The following ERCC1 variants were observed in gnomAD, a reference collection of about 807,000 sequenced individuals.
ERCC1 encodes DNA excision repair protein ERCC-1.
In ERCC1, 36 loss-of-function variants were observed where a neutral mutation model predicts 37.6. That is an observed-to-expected ratio of 0.96 (90% CI 0.73 to 1.26). The LOEUF is 1.26. Ranked by LOEUF, ERCC1 falls within the 50% of genes most tolerant of loss-of-function variation. ERCC1 has a pLI of 0.00. For missense variants in ERCC1, 349 were observed against 376.5 expected (o/e 0.93, Z 0.60); for synonymous variants, 156 against 162.1 (o/e 0.96, Z 0.28).
Position 45,421,308 on chromosome 19 carries a change from G to A in ERCC1, c.191C>T (p.Ala64Val), listed in dbSNP as rs142631483. 1.2e-4 allele frequency: 192 copies of A among 1,614,138 alleles called. No homozygotes were observed. In the African/African-American group the frequency reaches 2.4e-3, roughly 20 times the overall value. The part of the protein sequence containing the change: ...QAAPQTYAEY[A>V]ISQPLEGAGA... The stretch of plus-strand genomic sequence containing the variant: ...AGCCCCTTCCAGAGGCTGTGAGATG[G>A]CATATTCGGCGTAGGTCTGAGGGGC... The change falls in exon 3 of 10, where the codon GCC becomes GTC. Residue 64 changes from alanine (A) to valine (V), a missense_variant. Ala to Val is a moderately conservative substitution (Grantham distance 64). Coordinates refer to ENST00000300853, the MANE Select transcript of ERCC1 (RefSeq NM_001983.4).
At chr19:45,426,982 A>AT (rs1157812150), upstream of ERCC1, among the ~76,000 whole-genome samples, 11 of 148,600 alleles carry the variant, frequency 7.4e-5, no homozygotes, top group Non-Finnish European at 7.4e-5. Context: ...AAAAAAAAAA[A>AT]GCTATGTGTG....
intron 1 of ERCC1, among the ~76,000 whole-genome samples, chr19:45,430,976 G>T (rs1046956041): frequency 3.3e-5 from 5 of 151,958 alleles, no homozygotes; most frequent in Non-Finnish European, 5.9e-5. Context: ...TAGTTGGGGG[G>T]TGGGGTCTCA....
chr19:45,424,124 C>G, upstream of ERCC1: 1 of 959,470 alleles, frequency 1.0e-6, no homozygotes, highest in Non-Finnish European at 1.3e-6. Flanking sequence ...GAGAACAGAT[C>G]GCAGGAGATC....
At chr19:45,414,438 T>C (rs1279996052) in intron 7 of ERCC1, 4 of 351,570 alleles carry the variant, frequency 1.1e-5, no homozygotes, top group South Asian at 5.0e-5. Flanking sequence ...GATCATGTCA[T>C]TGCACTCCAG....
chr19:45,443,149 C>T (rs1975163943), intron 1 of ERCC1, among the ~76,000 whole-genome samples: 1 of 152,064 alleles, frequency 6.6e-6, no homozygotes, highest in African/African-American at 2.4e-5. Context: ...CTCCCAGCTG[C>T]CTGGATGTGA....
At chr19:45,432,973 G>T (rs1000158783) in intron 1 of ERCC1, among the ~76,000 whole-genome samples, 1 of 152,188 alleles carries the variant, frequency 6.6e-6, no homozygotes, top group African/African-American at 2.4e-5. Context: ...CCACCTACTC[G>T]GGAGGCTGAG....
rs1973959346 is a variant in ERCC1, at chr19:45,414,904, G to A, written c.659C>T (p.Ala220Val). ...CTCTAGCTTCTCCATCAGGAGGTCC[G>A]CTGGTTTCTGCTCATAGGCCTTGTA... ...ETYKAYEQKP[A>V]DLLMEKLEQD... is the part of the protein sequence containing the mutation. Residue 220 changes from alanine (A) to valine (V), a missense_variant, in exon 7 of 10, where the codon GCG becomes GTG. Coordinates refer to ENST00000300853, the MANE Select transcript of ERCC1 (RefSeq NM_001983.4). 3 of 1,613,840 alleles carry A rather than the reference G, an allele frequency of 1.9e-6. No individual in the cohort carries two copies. The highest frequency in any genetic ancestry group is 1.7e-5 in the Admixed American group (1 of 59,996).
intron 1 of ERCC1, among the ~76,000 whole-genome samples, chr19:45,443,122 C>T (rs1006431781): frequency 2.6e-5 from 4 of 152,132 alleles, no homozygotes; most frequent in Admixed American, 2.6e-4. Flanking sequence ...GTGGTGCCCT[C>T]TGCACTAGGG....
Position 45,408,209 on chromosome 19 carries a change from C to T in ERCC1, c.*1466G>A, listed in dbSNP as rs769657381. 25 of 1,614,076 alleles carry T rather than the reference C, an allele frequency of 1.5e-5. No homozygotes were observed. Among genetic ancestry groups the T allele is most frequent in the Non-Finnish European group, 2.0e-5 (24 of 1,179,956 alleles). On this transcript the variant is annotated 3_prime_UTR_variant, in exon 10 of 10. Transcript: ENST00000300853. Reference sequence around the variant, plus strand: ...ATTGGCAGGCAAGCGGCACCGCTATCGAGTCCTCAGCAGCTGTCCCCAAGC... The same window carrying T: ...ATTGGCAGGCAAGCGGCACCGCTATTGAGTCCTCAGCAGCTGTCCCCAAGC...
chr19:45,440,404 G>T (rs1439391735), intron 1 of ERCC1, among the ~76,000 whole-genome samples: 1 of 152,160 alleles, frequency 6.6e-6, no homozygotes, highest in Admixed American at 6.6e-5. Context: ...GCAGAGCAGG[G>T]CGAGAGGATC....
At chr19:45,443,086 C>T (rs532515301) in intron 1 of ERCC1, among the ~76,000 whole-genome samples, 31 of 152,166 alleles carry the variant, frequency 2.0e-4, no homozygotes, top group African/African-American at 5.1e-4. Context: ...CACACACAGA[C>T]CAGGGACTCA....
At chr19:45,441,888 T>C (rs1975129221) in intron 1 of ERCC1, among the ~76,000 whole-genome samples, 1 of 151,716 alleles carries the variant, frequency 6.6e-6, no homozygotes, top group Non-Finnish European at 1.5e-5. Flanking sequence ...TTCACAGTGT[T>C]AGCCAGGATG....
intron 9 of ERCC1, chr19:45,410,665 C>CA (rs1973679369): frequency 6.8e-6 from 1 of 147,288 alleles, no homozygotes; most frequent in Non-Finnish European, 1.5e-5. Context: ...AGGAACTATC[C>CA]ATCCACTCTT....
At chr19:45,422,027 C>G (rs917399120) in intron 2 of ERCC1, among the ~76,000 whole-genome samples, 3 of 152,096 alleles carry the variant, frequency 2.0e-5, no homozygotes, top group African/African-American at 4.8e-5. Context: ...ACTTCTCCCC[C>G]ACTCCTCAGC....
chr19:45,435,420 C>G (rs543775977), intron 1 of ERCC1, among the ~76,000 whole-genome samples: 1 of 152,318 alleles, frequency 6.6e-6, no homozygotes, highest in Admixed American at 6.5e-5. Flanking sequence ...CCAACCAAAC[C>G]TTGTGCTCTG....
chr19:45,441,638 G>A (rs1239050919), intron 1 of ERCC1, among the ~76,000 whole-genome samples: 1 of 151,306 alleles, frequency 6.6e-6, no homozygotes, highest in Non-Finnish European at 1.5e-5. Flanking sequence ...GCCTCCCAAA[G>A]TGCCGGGATT....
At chr19:45,433,257 G>A (rs1236031731) in intron 1 of ERCC1, among the ~76,000 whole-genome samples, 1 of 152,106 alleles carries the variant, frequency 6.6e-6, no homozygotes, top group Non-Finnish European at 1.5e-5. Flanking sequence ...CGGGCACAAT[G>A]CCTCATGCCT....
chr19:45,439,389 AAAT>A (rs1975060228), intron 1 of ERCC1, among the ~76,000 whole-genome samples: 1 of 152,016 alleles, frequency 6.6e-6, no homozygotes, highest in South Asian at 2.1e-4. Flanking sequence ...AGATTTAAAA[AAAT>A]AATAATAGTA....
chr19:45,448,708 T>A (rs1967021805), intron 1 of ERCC1, among the ~76,000 whole-genome samples: 1 of 151,566 alleles, frequency 6.6e-6, no homozygotes, highest in African/African-American at 2.4e-5. Flanking sequence ...TTTATTAATT[T>A]AAAAAAAATG....
Sources: allele counts gnomAD v4.1 joint callset (sites outside exome capture counted in the v4.1 genomes callset), GRCh38; gene constraint gnomAD v4.1.1; transcripts MANE v1.5; gene names NCBI Gene and HGNC (gene_info 2026-07-23, HGNC 2026-07-21).